Variants in PSD3 observed in about 807,000 individuals in gnomAD.
PSD3 encodes PH and SEC7 domain-containing protein 3.
Under a neutral mutation model 105.5 loss-of-function variants are expected in PSD3, and 49 were observed. The observed-to-expected ratio is 0.46, with a 90% CI of 0.37 to 0.59. The LOEUF is 0.59. Ranked by LOEUF, PSD3 falls within the 20% of genes least tolerant of loss-of-function variation. The pLI is 0.00. For synonymous variants in PSD3, 557 were observed against 457.8 expected (o/e 1.22, Z -2.77); for missense variants, 1,561 against 1,263.8 (o/e 1.24, Z -3.57).
At chr8:18,553,100 A>G (rs1200941949) in intron 15 of PSD3, among the ~76,000 whole-genome samples, 1 of 152,220 alleles carries the variant, frequency 6.6e-6, no homozygotes, top group Non-Finnish European at 1.5e-5. Flanking sequence ...AACAACTGGA[A>G]TGCATACAAT....
intron 8 of PSD3, among the ~76,000 whole-genome samples, chr8:18,776,028 T>C (rs988002437): frequency 3.9e-5 from 6 of 152,084 alleles, no homozygotes; most frequent in Admixed American, 1.3e-4. Context: ...TTGTAAATTG[T>C]GAAAGTTAAG....
At chr8:18,751,205 C>A (rs1805459705) in intron 9 of PSD3, among the ~76,000 whole-genome samples, 1 of 152,180 alleles carries the variant, frequency 6.6e-6, no homozygotes, top group Non-Finnish European at 1.5e-5. Context: ...GCAGCTAAGG[C>A]CCGGCGAGAA....
intron 1 of PSD3, among the ~76,000 whole-genome samples, chr8:18,994,659 C>G (rs536590274): frequency 3.1e-4 from 47 of 151,934 alleles, no homozygotes; most frequent in African/African-American, 1.1e-3. Flanking sequence ...ATTTCGGACA[C>G]AGTAGGTTAA....
intron 2 of PSD3, among the ~76,000 whole-genome samples, chr8:18,901,458 T>C (rs1223960581): frequency 6.6e-6 from 1 of 152,198 alleles, no homozygotes; most frequent in Non-Finnish European, 1.5e-5. Flanking sequence ...CACACTCTTG[T>C]TATTTTGTTA....
intron 2 of PSD3, among the ~76,000 whole-genome samples, chr8:18,889,315 G>C (rs907614166): frequency 2.0e-5 from 3 of 151,972 alleles, no homozygotes; most frequent in African/African-American, 7.3e-5. Context: ...TCCCGTATTT[G>C]GGGCCTTGAC....
chr8:18,637,639 T>A (rs1807362188), intron 10 of PSD3, among the ~76,000 whole-genome samples: 1 of 152,210 alleles, frequency 6.6e-6, no homozygotes, highest in South Asian at 2.1e-4. Context: ...AAAGTACCAT[T>A]TCATTTTATG....
chr8:18,710,688 A>AT (rs965399771), intron 9 of PSD3, among the ~76,000 whole-genome samples: 89 of 148,418 alleles, frequency 6.0e-4, no homozygotes, highest in African/African-American at 1.4e-3. Flanking sequence ...CCAATATTCA[A>AT]TTTTTTTTTT....
intron 1 of PSD3, among the ~76,000 whole-genome samples, chr8:18,948,531 A>G (rs1194158434): frequency 6.6e-6 from 1 of 152,216 alleles, no homozygotes; most frequent in Admixed American, 6.5e-5. Context: ...GGTACTGAGA[A>G]CAATCAAAAC....
At chr8:18,702,923 C>T (rs1251239250) in intron 9 of PSD3, among the ~76,000 whole-genome samples, 1 of 152,034 alleles carries the variant, frequency 6.6e-6, no homozygotes, top group Non-Finnish European at 1.5e-5. Context: ...GCTATAGGTA[C>T]TCTTTATAAG....
chr8:18,701,679 C>G (rs755583671), intron 9 of PSD3, among the ~76,000 whole-genome samples: 2 of 152,108 alleles, frequency 1.3e-5, no homozygotes, highest in Non-Finnish European at 2.9e-5. Flanking sequence ...TATACACGTG[C>G]CTGTCAATGT....
At chr8:19,018,848 G>T (rs1827263298) in intron 1 of PSD3, among the ~76,000 whole-genome samples, 1 of 152,192 alleles carries the variant, frequency 6.6e-6, no homozygotes, top group Admixed American at 6.5e-5. Flanking sequence ...CCAGTCTGGA[G>T]TGCAGTGGCT....
chr8:18,975,648 C>G (rs556492572), intron 1 of PSD3, among the ~76,000 whole-genome samples: 12 of 152,292 alleles, frequency 7.9e-5, no homozygotes, highest in Admixed American at 2.6e-4. Context: ...GTATCTTTTG[C>G]TCTAATACCA....
chr8:19,014,850 A>T (rs1166878189), upstream of PSD3, among the ~76,000 whole-genome samples: 1 of 152,170 alleles, frequency 6.6e-6, no homozygotes, highest in Non-Finnish European at 1.5e-5. The surrounding 1 kb of genome is among the most constrained non-coding windows in gnomAD (Gnocchi z 4.9). Flanking sequence ...TGGCTGCCCC[A>T]TCTGCATCTA....
chr8:19,018,606 G>T (rs971413990), upstream of PSD3, among the ~76,000 whole-genome samples: 1 of 152,204 alleles, frequency 6.6e-6, no homozygotes. Context: ...ATGAAAGCAC[G>T]CATGCGCTAA....
chr8:18,799,009 T>C (rs79318479), intron 8 of PSD3: 3,535 of 311,136 alleles, frequency 0.011, 118 homozygotes, highest in African/African-American at 0.07. Flanking sequence ...AAAACAAAAA[T>C]AAGTAAAAGC....
chr8:19,078,251 G>C (rs139524007), intron 1 of PSD3, among the ~76,000 whole-genome samples: 9 of 152,162 alleles, frequency 5.9e-5, no homozygotes, highest in African/African-American at 2.2e-4. Flanking sequence ...ACCTGTAGCA[G>C]ATTGTGGAAG....
In PSD3 at chr8:18,594,981, T is replaced by A. The variant is rs1387315273; in HGVS notation, c.2481+5383A>T. On this transcript the variant is annotated intron_variant, in intron 12 of 15. Transcript: ENST00000327040. ...GTGCTGAGCATATGTAGGAAAAATATACAATGCTTTAATGTTGTAATAGTG... is the reference window on the plus strand; with the variant it reads ...GTGCTGAGCATATGTAGGAAAAATAAACAATGCTTTAATGTTGTAATAGTG... 2.6e-5 allele frequency among the ~76,000 whole-genome samples: 4 copies of A among 152,094 alleles called. No individual in the cohort carries two copies. The East Asian group carries it at 7.7e-4, about 29-fold the overall frequency.
intron 11 of PSD3, among the ~76,000 whole-genome samples, chr8:18,626,690 G>A (rs1806505701): frequency 6.6e-6 from 1 of 152,016 alleles, no homozygotes; most frequent in Non-Finnish European, 1.5e-5. Context: ...AAAGAAGAAG[G>A]CAAAAACATT....
At chr8:19,070,919 G>T (rs1424000461) in intron 1 of PSD3, among the ~76,000 whole-genome samples, 2 of 152,094 alleles carry the variant, frequency 1.3e-5, no homozygotes, top group African/African-American at 2.4e-5. Flanking sequence ...CTTTTCTTTA[G>T]TTAGGCTAGG....
Sources: gnomAD v4.1 joint callset for allele counts (sites outside exome capture counted in the v4.1 genomes callset) on GRCh38, gnomAD v4.1.1 for gene constraint, Gnocchi (gnomAD v3.1) non-coding constraint, MANE v1.5 for transcripts, NCBI Gene and HGNC (gene_info 2026-07-23, HGNC 2026-07-21) for gene names.